Variants in UHRF1 observed in about 807,000 individuals in gnomAD.
The protein encoded by UHRF1 is E3 ubiquitin-protein ligase UHRF1.
Under a neutral mutation model 96.5 loss-of-function variants are expected in UHRF1, and 9 were observed. That is an observed-to-expected ratio of 0.09 (90% CI 0.06 to 0.16). UHRF1 has a LOEUF of 0.16. Among genes scored for constraint, UHRF1 ranks in the 10% least tolerant of loss-of-function variants. The probability of loss-of-function intolerance (pLI) is 1.00; values close to 1 mark genes in which losing one functional copy is unlikely to be tolerated. For missense variants in UHRF1, 626 were observed against 1,131.1 expected (o/e 0.55, Z 6.40); for synonymous variants, 455 against 469.9 (o/e 0.97, Z 0.41).
At chr19:4,938,730 G>GTATTTTTTTTTTTT (rs2033290622) in intron 5 of UHRF1, among the ~76,000 whole-genome samples, 1 of 61,566 alleles carries the variant, frequency 1.6e-5, no homozygotes, top group Non-Finnish European at 2.9e-5. Flanking sequence ...TTTTGGTCAG[G>GTATTTTTTTTTTTT]TTTTTTTTTT....
chr19:4,947,248 C>G, intron 11 of UHRF1, 37 bp downstream of exon 11: 2 of 1,562,086 alleles, frequency 1.3e-6, no homozygotes, highest in Non-Finnish European at 1.8e-6. Context: ...CTTGCTGATG[C>G]ATATCTGCCG....
chr19:4,958,335 C>T (rs1482981329), intron 16 of UHRF1, among the ~76,000 whole-genome samples: 1 of 152,340 alleles, frequency 6.6e-6, no homozygotes, highest in Middle Eastern at 3.4e-3. Flanking sequence ...GGCCTGGTAA[C>T]ACTGTCCTGG....
At chr19:4,925,069 C>T (rs1161100358) in intron 2 of UHRF1, among the ~76,000 whole-genome samples, 3 of 152,000 alleles carry the variant, frequency 2.0e-5, no homozygotes, top group East Asian at 3.9e-4. Flanking sequence ...TCAAGTGATC[C>T]ACCTGCCTTG....
At chr19:4,910,619 G>T (rs552983155) in intron 1 of UHRF1, 97 of 377,338 alleles carry the variant, frequency 2.6e-4, no homozygotes, top group African/African-American at 2.0e-3. Context: ...TGGACCTTCT[G>T]CTTTTCTTTC....
At chr19:4,941,994 A>G in intron 7 of UHRF1, 63 bp downstream of exon 7, 1 of 1,415,522 alleles carries the variant, frequency 7.1e-7, no homozygotes, top group Non-Finnish European at 9.3e-7. Flanking sequence ...CCAGAGGGGC[A>G]CTGAGGAGAT....
chr19:4,916,598 C>T (rs2032511904), intron 2 of UHRF1, among the ~76,000 whole-genome samples: 1 of 152,166 alleles, frequency 6.6e-6, no homozygotes, highest in African/African-American at 2.4e-5. Flanking sequence ...ACTAGCCCTC[C>T]ACCCGTCCTG....
chr19:4,923,722 C>T (rs975823759), intron 2 of UHRF1, among the ~76,000 whole-genome samples: 4 of 152,202 alleles, frequency 2.6e-5, no homozygotes, highest in African/African-American at 9.6e-5. Context: ...TGTCTGGGGA[C>T]ATTCATGACT....
chr19:4,959,954 G>C (rs934217482), intron 16 of UHRF1, among the ~76,000 whole-genome samples: 2 of 152,190 alleles, frequency 1.3e-5, no homozygotes, highest in Non-Finnish European at 2.9e-5. Flanking sequence ...TCCGCCTCCC[G>C]GGTTCAAGCC....
At chr19:4,934,243 A>G (rs17883458) in intron 5 of UHRF1, among the ~76,000 whole-genome samples, 1 of 152,016 alleles carries the variant, frequency 6.6e-6, no homozygotes, top group East Asian at 1.9e-4. Context: ...CATGTTGGCC[A>G]GGCTGGTCTC....
In UHRF1 at chr19:4,951,075, G is replaced by A. The variant is rs2033705481; in HGVS notation, c.1818+79G>A. The stretch of plus-strand genomic sequence containing the variant: ...TACGTTAGGAGTTCAAGACCAGCCT[G>A]GCCAACATGGTGAAACCTCATCTCT... On this transcript the variant is annotated intron_variant, in intron 13 of 16. Coordinates refer to ENST00000650932, the MANE Select transcript of UHRF1 (RefSeq NM_001048201.3). 17 of 1,452,164 alleles carry A rather than the reference G, an allele frequency of 1.2e-5. No homozygotes were observed. The South Asian group carries it at 2.0e-4, about 17-fold the overall frequency. 90.0% of individuals were successfully genotyped at this position (1,452,164 alleles called of 1,614,324 possible).
chr19:4,906,804 C>T (rs924638575), upstream of UHRF1, among the ~76,000 whole-genome samples: 7 of 152,104 alleles, frequency 4.6e-5, no homozygotes, highest in Non-Finnish European at 7.3e-5. Context: ...CTTTCAGCCA[C>T]GTTGAGTTTT....
intron 11 of UHRF1, among the ~76,000 whole-genome samples, chr19:4,948,290 G>C (rs1016597323): frequency 2.0e-5 from 3 of 152,084 alleles, no homozygotes; most frequent in African/African-American, 7.2e-5. Flanking sequence ...GCCAGAATTT[G>C]CTTGGCCCCT....
Position 4,932,906 on chromosome 19 carries a change from G to A in UHRF1, c.735G>A (p.Arg245=). 1 of 1,613,744 alleles carries A rather than the reference G, an allele frequency of 6.2e-7. No homozygotes were observed. Among genetic ancestry groups the A allele is most frequent in the East Asian group, 2.2e-5 (1 of 44,874 alleles). Residue 245 remains arginine, a synonymous_variant, in exon 5 of 17, where the codon AGG becomes AGA. Transcript: ENST00000650932. ...TCTGGTACGACGCGGAGATCTCCAG[G>A]AAGCGCGAGACCAGGACGGCGCGGG... ...RGFWYDAEIS[R]KRETRTAREL...
chr19:4,954,603 C>T lies in UHRF1; in HGVS notation c.1958-47C>T, dbSNP rs1740333868. The T allele has an allele frequency of 1.3e-6, 2 of 1,598,528 alleles. No individual in the cohort carries two copies. Among genetic ancestry groups the T allele is most frequent in the African/African-American group, 1.3e-5 (1 of 74,614 alleles). ...TGGGAGCCGGTGGCTGTCTCTCCGG[C>T]AGCTCGGGCCACGCGCCCCTCCCTC... On this transcript the variant is annotated intron_variant, in intron 14 of 16. Coordinates refer to ENST00000650932, the MANE Select transcript of UHRF1 (RefSeq NM_001048201.3). This position sits in a 1 kb window ranked among gnomAD's most constrained non-coding sequence, Gnocchi z 5.9.
rs745879934 is a variant in UHRF1 at position 4,954,658 on chromosome 19, C to G, written c.1966C>G (p.Pro656Ala). Residue 656 changes from proline to alanine, a missense_variant, in exon 15 of 17, where the codon CCG (proline) becomes GCG (alanine). By Grantham distance (27) the Pro-to-Ala change is conservative. This residue lies in a region of UHRF1 where 90 missense variants were observed against 94.7 expected (regional missense o/e 0.95). Transcript: ENST00000650932. This position sits in a 1 kb window ranked among gnomAD's most constrained non-coding sequence, Gnocchi z 5.9. ...KWKRKSAGGG[P>A]SRAGSPRRTS... ...GCCCCACCCTCTTCCAGGAGGTGGC[C>G]CGAGCAGGGCCGGGTCCCCGCGCCG... The G allele has an allele frequency of 1.1e-5, 18 of 1,612,286 alleles. No homozygotes were observed.
intron 11 of UHRF1, 72 bp from the exon 12 acceptor site, chr19:4,950,539 C>A: frequency 1.3e-6 from 2 of 1,515,860 alleles, no homozygotes; most frequent in East Asian, 4.6e-5. Context: ...CCACCACTCC[C>A]GGCTCCTGTG....
intron 2 of UHRF1, 47 bp from the exon 3 acceptor site, chr19:4,929,175 C>T (rs1363708313): frequency 1.9e-6 from 3 of 1,581,040 alleles, no homozygotes; most frequent in Non-Finnish European, 1.7e-6. Flanking sequence ...CAGATGCCCA[C>T]TTGGCATTTG....
At chr19:4,905,178 G>A (rs2032040840), upstream of UHRF1, among the ~76,000 whole-genome samples, 1 of 137,426 alleles carries the variant, frequency 7.3e-6, no homozygotes, top group South Asian at 2.3e-4. Flanking sequence ...GTGCAGTGGT[G>A]TGATCTCGGC....
upstream of UHRF1, among the ~76,000 whole-genome samples, chr19:4,905,863 T>G (rs1004572117): frequency 3.3e-5 from 5 of 152,178 alleles, no homozygotes; most frequent in African/African-American, 1.2e-4. Flanking sequence ...CTTCTTCCAA[T>G]GTGGCCCAGG....
Sources: allele counts gnomAD v4.1 joint callset (sites outside exome capture counted in the v4.1 genomes callset), GRCh38; gene constraint gnomAD v4.1.1; regional missense constraint gnomAD v4.1.1; non-coding constraint Gnocchi (gnomAD v3.1); transcripts MANE v1.5; gene names NCBI Gene and HGNC (gene_info 2026-07-23, HGNC 2026-07-21).